The following PMFBP1 variants were observed in gnomAD, a reference collection of about 807,000 sequenced individuals.
The protein encoded by PMFBP1 is polyamine modulated factor 1 binding protein 1.
In PMFBP1, 131 loss-of-function variants were observed where a neutral mutation model predicts 137.8. The observed-to-expected ratio is 0.95, with a 90% CI of 0.82 to 1.10. The LOEUF is 1.10. Among genes scored for constraint, PMFBP1 ranks in the 50% least tolerant of loss-of-function variants. The pLI is 0.00. For missense variants in PMFBP1, 1,199 were observed against 1,175.4 expected (o/e 1.02, Z -0.29); for synonymous variants, 490 against 450.4 (o/e 1.09, Z -1.11).
chr16:72,237,545 C>A, the PMFBP1 span, among the ~76,000 whole-genome samples: 9 of 151,914 alleles, frequency 5.9e-5, no homozygotes. Flanking sequence ...TTATTTAGGT[C>A]TTCAATTTCT....
the PMFBP1 span, among the ~76,000 whole-genome samples, chr16:72,242,341 G>A: frequency 6.6e-6 from 1 of 152,046 alleles, no homozygotes; most frequent in Admixed American, 6.5e-5. Flanking sequence ...GAATGAGAGG[G>A]AAAAATACAC....
the PMFBP1 span, among the ~76,000 whole-genome samples, chr16:72,226,461 A>G: frequency 6.6e-6 from 1 of 152,196 alleles, no homozygotes; most frequent in Non-Finnish European, 1.5e-5. Context: ...TGACCCTGAC[A>G]CTAATGACAA....
the PMFBP1 span, among the ~76,000 whole-genome samples, chr16:72,189,751 A>C: frequency 6.6e-6 from 1 of 152,226 alleles, no homozygotes; most frequent in Admixed American, 6.5e-5. Context: ...ACAGAGTTTA[A>C]TTAATGCTAA....
At chr16:72,199,210 T>C in the PMFBP1 span, among the ~76,000 whole-genome samples, 1 of 152,198 alleles carries the variant, frequency 6.6e-6, no homozygotes, top group Non-Finnish European at 1.5e-5. Context: ...GCATCTTCCG[T>C]GGCTGACAGC....
chr16:72,212,483 GAA>G, the PMFBP1 span, among the ~76,000 whole-genome samples: 28,500 of 132,584 alleles, frequency 0.21, 3,067 homozygotes, highest in African/African-American at 0.32. Flanking sequence ...GGTTGTATTG[GAA>G]AAAAAAAAAA....
At chr16:72,195,881 A>C in the PMFBP1 span, among the ~76,000 whole-genome samples, 1 of 151,802 alleles carries the variant, frequency 6.6e-6, no homozygotes, top group South Asian at 2.1e-4. Flanking sequence ...TCTGCAATCC[A>C]CTCCAGAATC....
At chr16:72,179,648 A>G (rs1002114304), upstream of PMFBP1, among the ~76,000 whole-genome samples, 1 of 152,186 alleles carries the variant, frequency 6.6e-6, no homozygotes, top group Non-Finnish European at 1.5e-5. Context: ...AACAAAAGAG[A>G]TGTTTTGGAT....
At chr16:72,178,919 T>C (rs1288866591), upstream of PMFBP1, among the ~76,000 whole-genome samples, 3 of 152,164 alleles carry the variant, frequency 2.0e-5, no homozygotes, top group Admixed American at 2.0e-4. Flanking sequence ...TGTAATGGGG[T>C]AATATTCAGA....
At chr16:72,175,071 TC>T (rs2043253283), upstream of PMFBP1, among the ~76,000 whole-genome samples, 1 of 152,184 alleles carries the variant, frequency 6.6e-6, no homozygotes, top group African/African-American at 2.4e-5. Flanking sequence ...CTTAGACTTG[TC>T]CTATCAGCAT....
At chr16:72,227,942 G>C in the PMFBP1 span, among the ~76,000 whole-genome samples, 1 of 152,258 alleles carries the variant, frequency 6.6e-6, no homozygotes, top group South Asian at 2.1e-4. Context: ...GTTGTTTCCA[G>C]TTATAAGTAA....
chr16:72,202,483 G>A, the PMFBP1 span, among the ~76,000 whole-genome samples: 8 of 152,086 alleles, frequency 5.3e-5, no homozygotes, highest in South Asian at 4.1e-4. Flanking sequence ...TGGCCCTGAC[G>A]TTTTTCTCTA....
At chr16:72,188,348 C>A in the PMFBP1 span, among the ~76,000 whole-genome samples, 1 of 152,232 alleles carries the variant, frequency 6.6e-6, no homozygotes, top group Admixed American at 6.5e-5. Flanking sequence ...GTAGACAGCA[C>A]TGAGAGCTTT....
chr16:72,221,315 A>T, the PMFBP1 span, among the ~76,000 whole-genome samples: 1 of 152,026 alleles, frequency 6.6e-6, no homozygotes, highest in East Asian at 1.9e-4. Context: ...TAATTGAGAG[A>T]CTCATTAAAA....
At chr16:72,123,070 GGGTTCTCAGCA>G in intron 18 of PMFBP1, 82 bp from the exon 19 acceptor site, 4 of 1,282,996 alleles carry the variant, frequency 3.1e-6, no homozygotes, top group Non-Finnish European at 4.4e-6. Flanking sequence ...ATGGGATGCT[GGGTTCTCAGCA>G]AGACTGCTGC....
rs1434800799 is a variant in PMFBP1, at chr16:72,136,504, G to A, written c.1147C>T (p.Gln383Ter). 3 of 1,613,814 alleles carry A rather than the reference G, an allele frequency of 1.9e-6. No homozygotes were observed. The highest frequency in any genetic ancestry group is 2.2e-5 in the East Asian group (1 of 44,876). The change falls in exon 9 of 21, where the codon CAG becomes TAG. Residue 383 changes from glutamine (Q) to a stop codon, truncating the protein, a stop_gained. Coordinates refer to ENST00000237353, the MANE Select transcript of PMFBP1 (RefSeq NM_031293.3). LOFTEE classifies it high-confidence loss of function. ...TCGGTGAACTCCAGCTGCAGCTCCT[G>A]CAGCCGGCACTGCAGGATGGTGATG... Reference protein sequence around the residue: ...KDITILQCRLQELQLEFTETQ... With the variant: ...KDITILQCRL
At chr16:72,244,018 T>A in the PMFBP1 span, among the ~76,000 whole-genome samples, 6 of 152,316 alleles carry the variant, frequency 3.9e-5, no homozygotes, top group Admixed American at 3.9e-4. Flanking sequence ...GGTTCCTTGG[T>A]CATAATGAAA....
chr16:72,119,939 C>T lies in PMFBP1; in HGVS notation c.2919G>A (p.Val973=). ...SRTESTQREK[V]CGTLGWKGLP... ...ACCCCTTCCAGCCCAAGGTGCCGCA[C>T]ACTTTCTCCCTCTGTGTGGACTCCG... is the stretch of plus-strand genomic sequence containing the variant. The change falls in exon 20 of 21, where the codon GTG becomes GTA. Residue 973 remains valine, a synonymous_variant. Transcript: ENST00000237353. 2 of 1,614,246 alleles carry T rather than the reference C, an allele frequency of 1.2e-6. No individual in the cohort carries two copies. The highest frequency in any genetic ancestry group is 1.3e-5 in the African/African-American group (1 of 75,064).
At chr16:72,127,129 A>C (rs1186362166) in intron 14 of PMFBP1, among the ~76,000 whole-genome samples, 1 of 152,232 alleles carries the variant, frequency 6.6e-6, no homozygotes, top group African/African-American at 2.4e-5. Context: ...GCACACCTGC[A>C]TCTGAAAGTG....
the PMFBP1 span, among the ~76,000 whole-genome samples, chr16:72,182,923 C>T: frequency 6.6e-6 from 1 of 152,102 alleles, no homozygotes; most frequent in African/African-American, 2.4e-5. Context: ...TGCTCTCTGG[C>T]CCCTGCTTGG....
Sources: gnomAD v4.1 joint callset for allele counts (sites outside exome capture counted in the v4.1 genomes callset) on GRCh38, gnomAD v4.1.1 for gene constraint, MANE v1.5 for transcripts, NCBI Gene and HGNC (gene_info 2026-07-23, HGNC 2026-07-21) for gene names.